The following ATAD2B variants were observed in gnomAD, a reference collection of about 807,000 sequenced individuals.
ATAD2B encodes ATPase family AAA domain containing 2B, also known as ATPase family AAA domain-containing protein 2B.
Under a neutral mutation model 167.6 loss-of-function variants are expected in ATAD2B, and 40 were observed. The ratio of observed to expected loss-of-function variants is 0.24; its 90% CI spans 0.19 to 0.31. The LOEUF (loss-of-function observed/expected upper bound fraction) is 0.31, where lower values mean the gene tolerates loss of function less well. ATAD2B is among the 10% of genes least tolerant of loss of function. ATAD2B has a pLI of 1.00. For synonymous variants in ATAD2B, 579 were observed against 596.5 expected (o/e 0.97, Z 0.43); for missense variants, 1,242 against 1,757.2 (o/e 0.71, Z 5.24).
At chr2:23,790,830 C>T (rs936434823) in intron 19 of ATAD2B, among the ~76,000 whole-genome samples, 1 of 152,206 alleles carries the variant, frequency 6.6e-6, no homozygotes. Flanking sequence ...CTTAGGCACA[C>T]CTTCCAATAT....
chr2:23,823,714 C>A lies in ATAD2B; in HGVS notation c.1820-145G>T, dbSNP rs1187193160. 18 of 704,674 alleles carry A rather than the reference C, an allele frequency of 2.6e-5. No homozygotes were observed. In the East Asian group the frequency reaches 4.9e-4, roughly 19 times the overall value. The allele number at this position is 704,674 out of a possible 1,614,324, so 43.7% of individuals were successfully genotyped here. A position where few individuals can be genotyped will look rare whatever the true frequency, so the allele number is the denominator to read the frequency against. On this transcript the variant is annotated intron_variant, in intron 15 of 27. Coordinates refer to ENST00000238789, the MANE Select transcript of ATAD2B (RefSeq NM_017552.4). ...TGCAATTTTACCAGCAAAATGAAAACTAGCCATTTAAAATCACCAAACAAA... is the reference window on the plus strand; with the variant it reads ...TGCAATTTTACCAGCAAAATGAAAAATAGCCATTTAAAATCACCAAACAAA...
chr2:23,818,582 C>T (rs1460947859), intron 17 of ATAD2B, among the ~76,000 whole-genome samples: 1 of 151,938 alleles, frequency 6.6e-6, no homozygotes, highest in Non-Finnish European at 1.5e-5. Flanking sequence ...AAATGAAAAA[C>T]AAGAAAGGGT....
intron 1 of ATAD2B, among the ~76,000 whole-genome samples, chr2:23,909,174 G>A (rs922828510): frequency 2.0e-5 from 3 of 151,518 alleles, no homozygotes; most frequent in Non-Finnish European, 4.4e-5. Flanking sequence ...TCAACAGTGT[G>A]AGGGAAAAAA....
the ATAD2B span, among the ~76,000 whole-genome samples, chr2:23,714,490 T>C: frequency 2.7e-5 from 4 of 149,868 alleles, no homozygotes; most frequent in Non-Finnish European, 5.9e-5. Context: ...TCCACCCGCC[T>C]CGGCCTCCCA....
At chr2:23,684,433 G>C in the ATAD2B span, 1 of 1,549,666 alleles carries the variant, frequency 6.5e-7, no homozygotes, top group Non-Finnish European at 8.7e-7. This position sits in a 1 kb window ranked among gnomAD's most constrained non-coding sequence, Gnocchi z 4.4. Context: ...AACGCAGAGC[G>C]AAAGCGTTTA....
At chr2:23,924,107 C>CA (rs1424904468) in intron 1 of ATAD2B, among the ~76,000 whole-genome samples, 5 of 106,090 alleles carry the variant, frequency 4.7e-5, no homozygotes, top group Non-Finnish European at 8.7e-5. Flanking sequence ...GGCGTGAACC[C>CA]CGGGGGGCGG....
intron 17 of ATAD2B, among the ~76,000 whole-genome samples, chr2:23,818,678 T>C (rs563456958): frequency 6.6e-6 from 1 of 152,278 alleles, no homozygotes; most frequent in Non-Finnish European, 1.5e-5. Context: ...TTCAAAATAT[T>C]AAAAGTACAC....
At chr2:23,903,078 A>T (rs1701023476) in intron 1 of ATAD2B, among the ~76,000 whole-genome samples, 1 of 151,958 alleles carries the variant, frequency 6.6e-6, no homozygotes, top group African/African-American at 2.4e-5. Context: ...CTACAAAAAT[A>T]TAGAAAAATT....
At chr2:23,798,070 C>G in intron 19 of ATAD2B, 68 bp downstream of exon 19, 1 of 1,053,846 alleles carries the variant, frequency 9.5e-7, no homozygotes, top group Non-Finnish European at 1.3e-6. Flanking sequence ...TAAAAGGTGT[C>G]CAATTTACAG....
chr2:23,692,087 C>T, the ATAD2B span, among the ~76,000 whole-genome samples: 3 of 152,158 alleles, frequency 2.0e-5, no homozygotes, highest in East Asian at 3.9e-4. Flanking sequence ...AAGAGGACTC[C>T]GTGTCATTTC....
chr2:23,853,227 C>A (rs190802744), intron 13 of ATAD2B, among the ~76,000 whole-genome samples: 10 of 152,206 alleles, frequency 6.6e-5, no homozygotes, highest in Non-Finnish European at 8.8e-5. Context: ...TAACTGAATT[C>A]TAGCCAAAGA....
chr2:23,681,829 A>G, the ATAD2B span, among the ~76,000 whole-genome samples: 1 of 152,164 alleles, frequency 6.6e-6, no homozygotes, highest in Non-Finnish European at 1.5e-5. The surrounding 1 kb of genome is among the most constrained non-coding windows in gnomAD (Gnocchi z 4.2). Context: ...TTGGGCATTA[A>G]TTCGGCTGGT....
intron 15 of ATAD2B, among the ~76,000 whole-genome samples, chr2:23,825,396 T>C (rs1213259890): frequency 6.6e-6 from 1 of 152,164 alleles, no homozygotes; most frequent in East Asian, 1.9e-4. Context: ...AGATTACGCA[T>C]TAACATTGTT....
chr2:23,910,238 G>A (rs1433876003), intron 1 of ATAD2B, among the ~76,000 whole-genome samples: 1 of 148,536 alleles, frequency 6.7e-6, no homozygotes, highest in Admixed American at 6.8e-5. Flanking sequence ...GAGTGCAATG[G>A]CGCGATCTCA....
the ATAD2B span, among the ~76,000 whole-genome samples, chr2:23,704,378 T>G: frequency 4.1e-4 from 62 of 152,274 alleles, no homozygotes; most frequent in African/African-American, 1.4e-3. Flanking sequence ...TGAGTGTGGC[T>G]CGGTCCCCAG....
intron 13 of ATAD2B, among the ~76,000 whole-genome samples, chr2:23,850,646 T>G (rs555952447): frequency 6.6e-6 from 1 of 151,648 alleles, no homozygotes; most frequent in Non-Finnish European, 1.5e-5. Flanking sequence ...GCTGGGGAGA[T>G]AGGGAGGGCT....
chr2:23,895,664 TTACA>T (rs1700065626), intron 2 of ATAD2B, among the ~76,000 whole-genome samples, 151 bp downstream of exon 2: 1 of 152,114 alleles, frequency 6.6e-6, no homozygotes, highest in African/African-American at 2.4e-5. Flanking sequence ...GAAAATAAAC[TTACA>T]TACAAAAATT....
At chr2:23,870,658 G>A (rs1230238422) in intron 8 of ATAD2B, among the ~76,000 whole-genome samples, 15 of 145,176 alleles carry the variant, frequency 1.0e-4, no homozygotes, top group African/African-American at 1.0e-4. Context: ...TAGAATCTCA[G>A]AAAAAAAAAA....
At chr2:23,910,075 A>G (rs1180982023) in intron 1 of ATAD2B, among the ~76,000 whole-genome samples, 4 of 150,966 alleles carry the variant, frequency 2.6e-5, no homozygotes, top group Admixed American at 6.6e-5. Flanking sequence ...TGTTTCCCAG[A>G]CTGGTATCAA....
Sources: gnomAD v4.1 joint callset for allele counts (sites outside exome capture counted in the v4.1 genomes callset) on GRCh38, gnomAD v4.1.1 for gene constraint, Gnocchi (gnomAD v3.1) non-coding constraint, MANE v1.5 for transcripts, NCBI Gene and HGNC (gene_info 2026-07-23, HGNC 2026-07-21) for gene names.